The following NIBAN1 variants were observed in gnomAD, a reference collection of about 807,000 sequenced individuals.
The protein encoded by NIBAN1 is niban apoptosis regulator 1.
NIBAN1 carries 81 observed loss-of-function variants against 75.1 expected under a neutral mutation model. The observed-to-expected ratio is 1.08, with a 90% CI of 0.90 to 1.30. NIBAN1 has a LOEUF of 1.30. Ranked by LOEUF, NIBAN1 falls within the 50% of genes most tolerant of loss-of-function variation. The pLI is 0.00. For synonymous variants in NIBAN1, 436 were observed against 424.8 expected, an observed-to-expected ratio of 1.03 and a Z score of -0.32; for missense variants, 1,133 against 1,128.1, an observed-to-expected ratio of 1.00 and a Z score of -0.06.
intron 1 of NIBAN1, among the ~76,000 whole-genome samples, chr1:184,959,401 G>A (rs537398120): frequency 7.9e-5 from 12 of 152,260 alleles, no homozygotes; most frequent in Admixed American, 7.2e-4. Context: ...TCATGTTCAC[G>A]TTTGCCTCTG....
intron 1 of NIBAN1, among the ~76,000 whole-genome samples, chr1:184,967,554 T>C (rs912082010): frequency 6.6e-6 from 1 of 152,228 alleles, no homozygotes; most frequent in African/African-American, 2.4e-5. Flanking sequence ...CAAATTGGGC[T>C]CCTGCTATTG....
At chr1:184,943,702 G>A (rs373888125) in intron 1 of NIBAN1, among the ~76,000 whole-genome samples, 1 of 151,992 alleles carries the variant, frequency 6.6e-6, no homozygotes, top group South Asian at 2.1e-4. Flanking sequence ...TTATCAAAGA[G>A]AAGCAAATAA....
chr1:184,885,803 G>A (rs889928952), intron 4 of NIBAN1, among the ~76,000 whole-genome samples: 1 of 152,152 alleles, frequency 6.6e-6, no homozygotes, highest in African/African-American at 2.4e-5. Context: ...ATCTGACCTG[G>A]AATATTTGCT....
intron 1 of NIBAN1, among the ~76,000 whole-genome samples, chr1:184,917,057 G>C (rs1295998241): frequency 6.6e-6 from 1 of 152,052 alleles, no homozygotes; most frequent in East Asian, 1.9e-4. Flanking sequence ...CCATTTTCCC[G>C]GCTGCTTATT....
At chr1:184,843,299 A>C (rs671114) in intron 5 of NIBAN1, among the ~76,000 whole-genome samples, 88,016 of 151,950 alleles carry the variant, frequency 0.58, 25,989 homozygotes, top group African/African-American at 0.67. Flanking sequence ...TATGTGGATT[A>C]TAGCTTGTCT....
chr1:184,919,345 T>C (rs1657470328), intron 1 of NIBAN1, among the ~76,000 whole-genome samples: 1 of 152,166 alleles, frequency 6.6e-6, no homozygotes, highest in Non-Finnish European at 1.5e-5. Flanking sequence ...TGATTCCTTT[T>C]CTCCAAATCC....
At chr1:184,885,194 G>T (rs1016934835) in intron 4 of NIBAN1, among the ~76,000 whole-genome samples, 1 of 152,014 alleles carries the variant, frequency 6.6e-6, no homozygotes, top group Non-Finnish European at 1.5e-5. Context: ...GATTATAGGC[G>T]CATACCACCA....
chr1:184,819,800 G>C (rs530717102), intron 8 of NIBAN1, among the ~76,000 whole-genome samples: 83 of 152,276 alleles, frequency 5.5e-4, no homozygotes, highest in Admixed American at 5.0e-3. Flanking sequence ...ATGAGGCCTG[G>C]AGATGTTTGA....
intron 2 of NIBAN1, 60 bp from the exon 3 acceptor site, chr1:184,894,266 A>G: frequency 6.7e-7 from 1 of 1,493,044 alleles, no homozygotes; most frequent in South Asian, 1.4e-5. Context: ...TTGTTACCAC[A>G]AAGTTATCCA....
At chr1:184,873,917 A>G (rs1231372138) in intron 5 of NIBAN1, among the ~76,000 whole-genome samples, 2 of 152,196 alleles carry the variant, frequency 1.3e-5, no homozygotes, top group Non-Finnish European at 2.9e-5. Flanking sequence ...AGTAAATATT[A>G]CAATTTTATA....
intron 1 of NIBAN1, among the ~76,000 whole-genome samples, chr1:184,972,882 G>A (rs887791847): frequency 3.3e-5 from 5 of 152,230 alleles, no homozygotes; most frequent in East Asian, 3.9e-4. Context: ...TTGGCCATGC[G>A]TCCACATTAG....
intron 1 of NIBAN1, among the ~76,000 whole-genome samples, chr1:184,904,368 T>C (rs946196590): frequency 1.3e-5 from 2 of 152,174 alleles, no homozygotes; most frequent in Admixed American, 6.5e-5. Flanking sequence ...CTCAGATATT[T>C]CCTTATAGCA....
chr1:184,807,958 T>C, intron 10 of NIBAN1, 116 bp downstream of exon 10: 2 of 1,220,170 alleles, frequency 1.6e-6, no homozygotes, highest in Non-Finnish European at 2.4e-6. Context: ...ACATGATGGC[T>C]AAAGAGACGC....
At chr1:184,804,343 A>T (rs1293812996) in intron 11 of NIBAN1, among the ~76,000 whole-genome samples, 1 of 152,238 alleles carries the variant, frequency 6.6e-6, no homozygotes, top group Non-Finnish European at 1.5e-5. Context: ...TATACTGGAG[A>T]TAATAAGTTA....
intron 5 of NIBAN1, among the ~76,000 whole-genome samples, chr1:184,833,096 C>A (rs1238602322): frequency 6.6e-6 from 1 of 151,872 alleles, no homozygotes; most frequent in Non-Finnish European, 1.5e-5. Context: ...GGCAACATTA[C>A]ATTGGTGATT....
chr1:184,843,442 TC>T lies in NIBAN1; in HGVS notation c.602-11481del, dbSNP rs904699295. ...GTATGGATGGTGTCATCAGACACTT[TC>T]CCCCCCGCAAAAAAAAAGAGAGAAT... On this transcript the variant is annotated intron_variant, in intron 5 of 13. Coordinates refer to ENST00000367511, the MANE Select transcript of NIBAN1 (RefSeq NM_052966.4). Among the ~76,000 whole-genome samples, 5 of 151,858 alleles carry T rather than the reference TC, an allele frequency of 3.3e-5. No homozygotes were observed. The South Asian group carries it at 8.3e-4, about 25-fold the overall frequency.
intron 1 of NIBAN1, 124 bp downstream of exon 1, chr1:184,974,178 G>C (rs886118155): frequency 2.0e-6 from 2 of 1,009,856 alleles, no homozygotes; most frequent in African/African-American, 1.7e-5. Context: ...GGCGGGCTGC[G>C]GTCGGGGATC....
At chr1:184,891,318 A>G (rs1301528738) in intron 3 of NIBAN1, among the ~76,000 whole-genome samples, 1 of 152,214 alleles carries the variant, frequency 6.6e-6, no homozygotes, top group African/African-American at 2.4e-5. Context: ...GGATCTATAC[A>G]TAATTGAGGG....
chr1:184,868,955 G>A (rs1368284761), intron 5 of NIBAN1, among the ~76,000 whole-genome samples: 1 of 152,068 alleles, frequency 6.6e-6, no homozygotes, highest in African/African-American at 2.4e-5. Flanking sequence ...CTACCTCACA[G>A]GACTGCTGTG....
Sources: allele counts gnomAD v4.1 joint callset (sites outside exome capture counted in the v4.1 genomes callset), GRCh38; gene constraint gnomAD v4.1.1; transcripts MANE v1.5; gene names NCBI Gene and HGNC (gene_info 2026-07-23, HGNC 2026-07-21).